Variants in STARD13 observed in about 807,000 individuals in gnomAD.
STARD13 encodes stAR-related lipid transfer protein 13.
STARD13 carries 62 observed loss-of-function variants against 106.4 expected under a neutral mutation model. The observed-to-expected ratio is 0.58, with a 90% confidence interval of 0.48 to 0.72. The LOEUF (loss-of-function observed/expected upper bound fraction) is 0.72. STARD13 is among the 30% of genes least tolerant of loss of function. The pLI, the probability that STARD13 is intolerant of heterozygous loss-of-function variation, is 0.00. For synonymous variants in STARD13, 565 were observed against 553.0 expected, an observed-to-expected ratio of 1.02 and a Z score of -0.31; for missense variants, 1,387 against 1,424.0, an observed-to-expected ratio of 0.97 and a Z score of 0.42.
chr13:33,321,635 T>C (rs972279849), intron 1 of STARD13, among the ~76,000 whole-genome samples: 2 of 152,214 alleles, frequency 1.3e-5, no homozygotes, highest in African/African-American at 4.8e-5. Context: ...CTCCATTTTA[T>C]AGATGAGAAA....
upstream of STARD13, chr13:33,285,857 G>C (rs897528092): frequency 3.6e-6 from 4 of 1,119,330 alleles, no homozygotes; most frequent in South Asian, 2.0e-5. Flanking sequence ...AAATGGGAAC[G>C]TTTGCAGTCA....
At chr13:33,348,195 G>T (rs894596556), downstream of STARD13, among the ~76,000 whole-genome samples, 2 of 152,212 alleles carry the variant, frequency 1.3e-5, no homozygotes, top group East Asian at 3.9e-4. Context: ...ACCTCATACC[G>T]CTATTTTAAA....
At chr13:33,173,721 A>G (rs1884221527) in intron 1 of STARD13, among the ~76,000 whole-genome samples, 1 of 152,232 alleles carries the variant, frequency 6.6e-6, no homozygotes, top group Admixed American at 6.5e-5. Flanking sequence ...TTAATCACTG[A>G]ATATTCAAAA....
the STARD13 span, among the ~76,000 whole-genome samples, chr13:33,384,910 T>C: frequency 6.6e-6 from 1 of 152,024 alleles, no homozygotes; most frequent in Non-Finnish European, 1.5e-5. Flanking sequence ...GGAACCAAAA[T>C]GATGGCAGAG....
chr13:33,336,923 T>C (rs983065694), intron 1 of STARD13, among the ~76,000 whole-genome samples: 1 of 152,070 alleles, frequency 6.6e-6, no homozygotes, highest in Non-Finnish European at 1.5e-5. Flanking sequence ...GTTTTTGCCA[T>C]TGAAAGTAAT....
chr13:33,190,677 C>T (rs1886192582), intron 1 of STARD13, among the ~76,000 whole-genome samples: 2 of 151,670 alleles, frequency 1.3e-5, no homozygotes, highest in South Asian at 4.2e-4. Flanking sequence ...ACCTCCGCCT[C>T]CAGGGTTCAA....
the STARD13 span, among the ~76,000 whole-genome samples, chr13:33,601,483 G>T: frequency 6.6e-6 from 1 of 152,064 alleles, no homozygotes; most frequent in East Asian, 1.9e-4. Flanking sequence ...GGAGCCAGGG[G>T]GCAATACCCC....
intron 11 of STARD13, 149 bp from the exon 12 acceptor site, chr13:33,110,239 T>C (rs937286792): frequency 1.5e-6 from 1 of 655,522 alleles, no homozygotes; most frequent in Admixed American, 2.8e-5. Context: ...ACTACATACC[T>C]CAGCTGTAAC....
At chr13:33,282,492 T>C (rs1027781779) in intron 1 of STARD13, among the ~76,000 whole-genome samples, 2 of 152,184 alleles carry the variant, frequency 1.3e-5, no homozygotes, top group Non-Finnish European at 2.9e-5. Flanking sequence ...TCAATGATTA[T>C]CTCACTATAA....
chr13:33,383,773 A>G, the STARD13 span: 42 of 151,866 alleles, frequency 2.8e-4, no homozygotes, highest in Non-Finnish European at 4.1e-4. Flanking sequence ...AAAAAAAAAA[A>G]AAAAAAAAAG....
At chr13:33,352,600 G>T (rs2078089233), upstream of STARD13, among the ~76,000 whole-genome samples, 1 of 152,192 alleles carries the variant, frequency 6.6e-6, no homozygotes, top group Non-Finnish European at 1.5e-5. Flanking sequence ...TCTGGCTGTT[G>T]GATGGCCCAT....
At position 33,162,748 on chromosome 13, in the gene STARD13, C is replaced by T. The variant is rs1326223422; in HGVS notation, c.323+2589G>A. On this transcript the variant is annotated intron_variant, in intron 3 of 13. Coordinates refer to ENST00000336934, the MANE Select transcript of STARD13 (RefSeq NM_178006.4). ...AACCTGGACTTTATTATTCATATCA[C>T]TATCAGCATTTTTTTTTTTCAAAGC... 5.4e-5 allele frequency among the ~76,000 whole-genome samples: 4 copies of T among 74,484 alleles called. No homozygotes were observed. In the Admixed American group the frequency reaches 7.3e-4, roughly 14 times the overall value. The allele number at this position is 74,484 out of a possible 152,430, so 48.9% of individuals were successfully genotyped here.
chr13:33,106,789 T>C lies in STARD13; in HGVS notation c.3193A>G (p.Arg1065Gly), dbSNP rs1157341207. 1.9e-6 allele frequency: 3 copies of C among 1,613,890 alleles called. No individual in the cohort carries two copies. The highest frequency in any genetic ancestry group is 2.5e-6 in the Non-Finnish European group (3 of 1,179,836). The change falls in exon 13 of 14, where the codon AGA becomes GGA. Residue 1065 changes from arginine to glycine, a missense_variant. Arg to Gly is a moderately radical substitution (Grantham distance 125). Coordinates refer to ENST00000336934, the MANE Select transcript of STARD13 (RefSeq NM_178006.4). ...TCTATCCTGCAGATGTGAGTCAGTC[T>C]TGACTTGCCAGAGCCACACGGTTCT... Reference protein sequence around the residue: ...LIEPCGSGKSRLTHICRIDLK... With the variant: ...LIEPCGSGKSGLTHICRIDLK...
the STARD13 span, among the ~76,000 whole-genome samples, chr13:33,367,291 C>G: frequency 6.6e-6 from 1 of 152,246 alleles, no homozygotes; most frequent in East Asian, 1.9e-4. Flanking sequence ...GATCTTCTTT[C>G]AATTTATTTC....
At chr13:33,113,158 C>A in intron 8 of STARD13, 1 of 528,344 alleles carries the variant, frequency 1.9e-6, no homozygotes, top group Non-Finnish European at 3.3e-6. Context: ...ACTTTGGATC[C>A]CACGCTCTCG....
chr13:33,610,338 A>C, the STARD13 span, among the ~76,000 whole-genome samples: 1 of 152,276 alleles, frequency 6.6e-6, no homozygotes. Context: ...AGTTGTTTCC[A>C]GTAATACTAA....
intron 1 of STARD13, chr13:33,276,607 C>A (rs1290143975): frequency 2.0e-5 from 3 of 152,134 alleles, no homozygotes; most frequent in Non-Finnish European, 4.4e-5. Context: ...TGAAATGCTA[C>A]TGTTCACTCA....
chr13:33,652,968 A>T, the STARD13 span, among the ~76,000 whole-genome samples: 2 of 152,192 alleles, frequency 1.3e-5, no homozygotes, highest in Non-Finnish European at 2.9e-5. Flanking sequence ...ATTTAACAAA[A>T]ATAGTGCCAG....
the STARD13 span, among the ~76,000 whole-genome samples, chr13:33,553,876 C>T: frequency 2.0e-5 from 3 of 152,030 alleles, no homozygotes; most frequent in African/African-American, 7.3e-5. Flanking sequence ...CCGTGCCTGG[C>T]TGCAAGCATT....
Sources: gnomAD v4.1 joint callset for allele counts (sites outside exome capture counted in the v4.1 genomes callset) on GRCh38, gnomAD v4.1.1 for gene constraint, MANE v1.5 for transcripts, NCBI Gene and HGNC (gene_info 2026-07-23, HGNC 2026-07-21) for gene names.